Variants in OTUD7A observed in about 807,000 individuals in gnomAD.
OTUD7A encodes OTU deubiquitinase 7A.
Under a neutral mutation model 65.7 loss-of-function variants are expected in OTUD7A, and 12 were observed. The ratio of observed to expected loss-of-function variants is 0.18; its 90% CI spans 0.12 to 0.30. The LOEUF is 0.30. Among genes scored for constraint, OTUD7A ranks in the 10% least tolerant of loss-of-function variants. OTUD7A has a pLI of 1.00. For missense variants in OTUD7A, 1,148 were observed against 1,304.8 expected, an observed-to-expected ratio of 0.88 and a Z score of 1.85; for synonymous variants, 641 against 586.3, an observed-to-expected ratio of 1.09 and a Z score of -1.35.
intron 1 of OTUD7A, among the ~76,000 whole-genome samples, chr15:31,818,285 T>TA (rs1407736868): frequency 1.3e-5 from 2 of 152,188 alleles, no homozygotes; most frequent in East Asian, 3.8e-4. Flanking sequence ...CCAAACATTT[T>TA]AACACAGTCC....
intron 3 of OTUD7A, among the ~76,000 whole-genome samples, chr15:31,583,496 G>A (rs991882431): frequency 1.3e-5 from 2 of 152,040 alleles, no homozygotes; most frequent in African/African-American, 4.8e-5. Context: ...GTAGGAAGGA[G>A]CCAGTGGGAG....
At chr15:31,658,869 T>TAA (rs149855057) in intron 1 of OTUD7A, among the ~76,000 whole-genome samples, 10 of 120,644 alleles carry the variant, frequency 8.3e-5, no homozygotes, top group Admixed American at 8.6e-5. Context: ...CTCTACTAAT[T>TAA]AAAAAAAAAA....
chr15:31,820,650 C>A (rs1896655837), intron 1 of OTUD7A, among the ~76,000 whole-genome samples: 1 of 152,214 alleles, frequency 6.6e-6, no homozygotes, highest in Non-Finnish European at 1.5e-5. Flanking sequence ...GGTAGCTGTG[C>A]TCTTATAACA....
intron 1 of OTUD7A, among the ~76,000 whole-genome samples, chr15:31,845,644 C>T (rs150014631): frequency 6.6e-6 from 1 of 152,218 alleles, no homozygotes; most frequent in African/African-American, 2.4e-5. Flanking sequence ...GGCCTGGGGA[C>T]TCTGCGACCT....
chr15:31,634,063 C>G (rs1035240235), intron 3 of OTUD7A, among the ~76,000 whole-genome samples: 1 of 152,160 alleles, frequency 6.6e-6, no homozygotes, highest in Non-Finnish European at 1.5e-5. Flanking sequence ...CAGACACAGA[C>G]AAGAGACTCA....
chr15:31,744,582 A>C (rs1048913092), intron 1 of OTUD7A, among the ~76,000 whole-genome samples: 4 of 152,158 alleles, frequency 2.6e-5, no homozygotes, highest in Non-Finnish European at 5.9e-5. Flanking sequence ...ATTTTTAAAA[A>C]TTCTATCCTT....
At chr15:31,841,650 A>G (rs1897185414) in intron 1 of OTUD7A, among the ~76,000 whole-genome samples, 2 of 152,282 alleles carry the variant, frequency 1.3e-5, no homozygotes, top group Non-Finnish European at 1.5e-5. Context: ...TGCCTCTGTC[A>G]AGACCAGTAC....
At chr15:31,793,321 C>A (rs1417175820) in intron 1 of OTUD7A, among the ~76,000 whole-genome samples, 1 of 152,092 alleles carries the variant, frequency 6.6e-6, no homozygotes, top group Middle Eastern at 3.2e-3. Context: ...TGAAGGAGAA[C>A]CCCACACTGT....
At chr15:31,868,263 G>A (rs1897931838) in intron 1 of OTUD7A, among the ~76,000 whole-genome samples, 1 of 152,154 alleles carries the variant, frequency 6.6e-6, no homozygotes, top group Non-Finnish European at 1.5e-5. Context: ...AATGTTTTGG[G>A]GAAATAAGTG....
chr15:31,493,049 T>C (rs2041338827), intron 10 of OTUD7A, among the ~76,000 whole-genome samples: 1 of 150,870 alleles, frequency 6.6e-6, no homozygotes, highest in Middle Eastern at 3.2e-3. Context: ...CTACTAAAAA[T>C]ACAAAAATTA....
intron 1 of OTUD7A, among the ~76,000 whole-genome samples, chr15:31,731,882 T>C (rs56331818): frequency 6.6e-6 from 1 of 151,908 alleles, no homozygotes; most frequent in Non-Finnish European, 1.5e-5. Flanking sequence ...TAAAGTGTAT[T>C]AAAAAAAGGG....
At chr15:31,796,084 G>A (rs1028946216) in intron 1 of OTUD7A, among the ~76,000 whole-genome samples, 2 of 151,960 alleles carry the variant, frequency 1.3e-5, no homozygotes, top group Non-Finnish European at 2.9e-5. Context: ...CATATGCAGT[G>A]AACTTGAGTC....
Position 31,483,473 on chromosome 15 carries a change from C to T in OTUD7A, c.2623G>A (p.Asp875Asn). The T allele has an allele frequency of 2.2e-6, 3 of 1,386,868 alleles. No individual in the cohort carries two copies. Among genetic ancestry groups the T allele is most frequent in the South Asian group, 1.4e-5 (1 of 70,350 alleles). 85.9% of individuals were successfully genotyped at this position (1,386,868 alleles called of 1,614,324 possible). ...LRDGLEFADADAPTARSNGEC... is the reference protein window; with the variant it reads ...LRDGLEFADANAPTARSNGEC... ...CCGTTCGAGCGCGCGGTCGGCGCGT[C>T]GGCGTCGGCGAACTCCAGGCCGTCG... Residue 875 changes from aspartate (D) to asparagine (N), a missense_variant, in exon 13 of 13, where the codon GAC (aspartate) becomes AAC (asparagine). Physicochemically the swap from Asp to Asn is conservative, Grantham distance 23. Coordinates refer to ENST00000307050, the MANE Select transcript of OTUD7A (RefSeq NM_001382637.1).
At chr15:31,632,163 C>G (rs1438487785) in intron 3 of OTUD7A, among the ~76,000 whole-genome samples, 3 of 152,188 alleles carry the variant, frequency 2.0e-5, no homozygotes, top group Admixed American at 6.5e-5. Flanking sequence ...AGGAGAGGTG[C>G]TCTGCTTTTT....
chr15:31,684,045 G>A (rs1273116900), intron 1 of OTUD7A, among the ~76,000 whole-genome samples: 1 of 152,226 alleles, frequency 6.6e-6, no homozygotes, highest in Non-Finnish European at 1.5e-5. Flanking sequence ...TGTAGCCACA[G>A]TAAGTTGGAA....
intron 1 of OTUD7A, among the ~76,000 whole-genome samples, chr15:31,808,136 C>CACACACACAAAAAAAAA (rs772574742): frequency 5.9e-5 from 7 of 119,418 alleles, no homozygotes; most frequent in East Asian, 2.4e-4. Flanking sequence ...CACACACACA[C>CACACACACAAAAAAAAA]AAACAAATCC....
At chr15:31,834,861 G>A (rs1897017003) in intron 1 of OTUD7A, among the ~76,000 whole-genome samples, 1 of 152,242 alleles carries the variant, frequency 6.6e-6, no homozygotes, top group South Asian at 2.1e-4. Context: ...GTGCAGATGT[G>A]TGGATGAGTA....
At chr15:31,786,855 G>C (rs1895687180) in intron 1 of OTUD7A, among the ~76,000 whole-genome samples, 1 of 152,162 alleles carries the variant, frequency 6.6e-6, no homozygotes, top group African/African-American at 2.4e-5. Context: ...ATCACAGACA[G>C]ACTGTAACCG....
intron 1 of OTUD7A, among the ~76,000 whole-genome samples, chr15:31,723,259 A>G (rs1353651271): frequency 6.6e-6 from 1 of 152,272 alleles, no homozygotes; most frequent in Non-Finnish European, 1.5e-5. Flanking sequence ...CTGATGGCGC[A>G]GCTCTGGAGG....
Sources: allele counts gnomAD v4.1 joint callset (sites outside exome capture counted in the v4.1 genomes callset), GRCh38; gene constraint gnomAD v4.1.1; transcripts MANE v1.5; gene names NCBI Gene and HGNC (gene_info 2026-07-23, HGNC 2026-07-21).